DNAJB11: variants seen among roughly 807,000 people sequenced by gnomAD.
DNAJB11 encodes the protein DnaJ heat shock protein family (Hsp40) member B11.
DNAJB11 carries 30 observed loss-of-function variants against 47.2 expected under a neutral mutation model. The observed-to-expected ratio is 0.64, with a 90% confidence interval of 0.48 to 0.86. DNAJB11 has a LOEUF of 0.86. DNAJB11 is among the 40% of genes least tolerant of loss of function. The pLI is 0.00. For missense variants in DNAJB11, 357 were observed against 440.2 expected, an observed-to-expected ratio of 0.81 and a Z score of 1.69; for synonymous variants, 151 against 159.9, an observed-to-expected ratio of 0.94 and a Z score of 0.42.
chr3:186,576,279 G>A (rs772072474), intron 3 of DNAJB11, among the ~76,000 whole-genome samples: 1 of 152,208 alleles, frequency 6.6e-6, no homozygotes, highest in Non-Finnish European at 1.5e-5. Flanking sequence ...TGTTAGCAGA[G>A]ATAGAAAAAT....
intron 7 of DNAJB11, 125 bp from the exon 8 acceptor site, chr3:186,583,740 C>G: frequency 2.9e-6 from 2 of 698,652 alleles, no homozygotes; most frequent in South Asian, 3.5e-5. Context: ...ATACTACACA[C>G]AAAAGTATGT....
chr3:186,571,564 C>T (rs920863607), intron 1 of DNAJB11, among the ~76,000 whole-genome samples: 4 of 152,198 alleles, frequency 2.6e-5, no homozygotes, highest in Non-Finnish European at 2.9e-5. Context: ...CCTTGTACTT[C>T]CCAGCTTCTT....
At position 186,572,170 on chromosome 3, in the gene DNAJB11, A is replaced by G; in HGVS notation, c.144A>G (p.Leu48=). 6.2e-7 allele frequency: 1 copy of G among 1,614,046 alleles called. No individual in the cohort carries two copies. The highest frequency in any genetic ancestry group is 1.1e-5 in the South Asian group (1 of 91,054). The change falls in exon 2 of 10, where the codon CTA becomes CTG. Residue 48 remains leucine, a synonymous_variant. Transcript: ENST00000265028. The part of the protein sequence containing the change: ...IKDIKKAYRK[L]ALQLHPDRNP... ...ATATTAAAAAGGCCTATAGGAAACT[A>G]GCCCTGCAGCTTCATCCCGACCGGA...
chr3:186,582,659 A>G, intron 6 of DNAJB11, 57 bp from the exon 7 acceptor site: 1 of 1,408,964 alleles, frequency 7.1e-7, no homozygotes, highest in Non-Finnish European at 9.8e-7. Context: ...GTTGCCAAAT[A>G]GATTTGTGGT....
At chr3:186,573,564 TTTAG>T in intron 2 of DNAJB11, among the ~76,000 whole-genome samples, 1 of 152,090 alleles carries the variant, frequency 6.6e-6, no homozygotes, top group South Asian at 2.1e-4. Context: ...TTTTTGTATT[TTTAG>T]TAGAGACAGG....
chr3:186,573,631 C>G, intron 2 of DNAJB11, among the ~76,000 whole-genome samples: 2 of 152,158 alleles, frequency 1.3e-5, no homozygotes, highest in South Asian at 4.1e-4. Context: ...ATGATCCACC[C>G]GCCTCGGCTT....
intron 4 of DNAJB11, chr3:186,581,017 T>A (rs938699969): frequency 5.8e-6 from 1 of 173,886 alleles, no homozygotes; most frequent in African/African-American, 2.4e-5. Context: ...TTTACACAGC[T>A]CGGATTTCCT....
At chr3:186,584,005 T>A in intron 8 of DNAJB11, 29 bp downstream of exon 8, 1 of 1,515,642 alleles carries the variant, frequency 6.6e-7, no homozygotes, top group Non-Finnish European at 9.2e-7. Context: ...TCGTTCTGCA[T>A]CCTTTTGAAG....
chr3:186,584,723 T>A, intron 9 of DNAJB11, 134 bp downstream of exon 9: 1 of 951,674 alleles, frequency 1.1e-6, no homozygotes, highest in Non-Finnish European at 1.4e-6. Context: ...AGTAGAACAC[T>A]AAGGAATGAA....
intron 2 of DNAJB11, among the ~76,000 whole-genome samples, chr3:186,574,640 A>C (rs1715202926): frequency 6.6e-6 from 1 of 152,192 alleles, no homozygotes; most frequent in Admixed American, 6.5e-5. Context: ...TGCTTTTAAG[A>C]ATGTTCACTC....
Position 186,582,781 on chromosome 3 carries a change from A to G in DNAJB11, c.740+8A>G. On this transcript the variant is annotated splice_region_variant and intron_variant, in intron 7 of 9. Coordinates refer to ENST00000265028, the MANE Select transcript of DNAJB11 (RefSeq NM_016306.6). ...CCGAATCAAAGTTGTCAAGTAAGTA[A>G]TCTAATTTTAGAGGTCTTCTCAGAT... 6.4e-7 allele frequency: 1 copy of G among 1,568,788 alleles called. No homozygotes were observed.
chr3:186,585,352 C>T lies in DNAJB11; in HGVS notation c.1021C>T (p.Gln341Ter), dbSNP rs1303862732. 7 of 1,611,282 alleles carry T rather than the reference C, an allele frequency of 4.3e-6. No individual in the cohort carries two copies. The highest frequency in any genetic ancestry group is 5.9e-6 in the Non-Finnish European group (7 of 1,178,792). The change falls in exon 10 of 10, where the codon CAG (glutamine) becomes TAG (stop). Residue 341 changes from glutamine to a stop codon, truncating the protein, a stop_gained. Coordinates refer to ENST00000265028, the MANE Select transcript of DNAJB11 (RefSeq NM_016306.6). LOFTEE classifies it high-confidence loss of function. ...LTEEAREGIK[Q>*]LLKQGSVQKV... The stretch of plus-strand genomic sequence containing the variant: ...GTTCATTCTTTCTTCAGGTATCAAA[C>T]AGCTACTGAAACAAGGGTCAGTGCA...
At chr3:186,574,323 TGTCTAAAAAGAAACTGAC>T (rs1289577585) in intron 2 of DNAJB11, among the ~76,000 whole-genome samples, 1 of 152,218 alleles carries the variant, frequency 6.6e-6, no homozygotes, top group Admixed American at 6.5e-5. Flanking sequence ...AAGCCTCTGA[TGTCTAAAAAGAAACTGAC>T]TTAAAACTAG....
rs2108480090 is a variant in DNAJB11, at chr3:186,577,808, C to A, written c.456+8C>A. 1.3e-6 allele frequency: 2 copies of A among 1,597,486 alleles called. No homozygotes were observed. Among genetic ancestry groups the A allele is most frequent in the South Asian group, 2.3e-5 (2 of 87,090 alleles). On this transcript the variant is annotated splice_region_variant and intron_variant, in intron 4 of 9. Transcript: ENST00000265028. ...GCAGGAAATTTTGTGGAAGTAAGTTCAAACAATATAGCTGTTCATATTGAC... is the reference window on the plus strand; with the variant it reads ...GCAGGAAATTTTGTGGAAGTAAGTTAAAACAATATAGCTGTTCATATTGAC...
intron 7 of DNAJB11, 132 bp downstream of exon 7, chr3:186,582,905 A>G (rs1257260375): frequency 1.4e-6 from 1 of 689,664 alleles, no homozygotes; most frequent in African/African-American, 1.8e-5. Context: ...TAACTCCTCT[A>G]CAAGGCTGAA....
intron 8 of DNAJB11, among the ~76,000 whole-genome samples, chr3:186,584,221 CTTTG>C (rs1335843935): frequency 6.6e-6 from 1 of 152,198 alleles, no homozygotes; most frequent in Non-Finnish European, 1.5e-5. Context: ...GAAAACCTTT[CTTTG>C]TTTACTTGTT....
chr3:186,579,706 G>A (rs1282821376), intron 4 of DNAJB11: 1 of 152,292 alleles, frequency 6.6e-6, no homozygotes, highest in Non-Finnish European at 1.5e-5. Context: ...CTGGCCCACT[G>A]GTTTTAACTG....
chr3:186,574,609 C>G (rs1358059257), intron 2 of DNAJB11, among the ~76,000 whole-genome samples: 1 of 152,056 alleles, frequency 6.6e-6, no homozygotes, highest in East Asian at 1.9e-4. Context: ...GTGGTCACTT[C>G]TGGAATAACC....
chr3:186,578,515 A>G (rs2121752), intron 4 of DNAJB11: 77,383 of 152,102 alleles, frequency 0.51, 24,015 homozygotes, highest in East Asian at 0.78. Context: ...ATGAGATCCT[A>G]TAGATTCACT....
Sources: gnomAD v4.1 joint callset for allele counts (sites outside exome capture counted in the v4.1 genomes callset) on GRCh38, gnomAD v4.1.1 for gene constraint, MANE v1.5 for transcripts, NCBI Gene and HGNC (gene_info 2026-07-23, HGNC 2026-07-21) for gene names.